The following TRDMT1 variants were observed in gnomAD, a reference collection of about 807,000 sequenced individuals.
TRDMT1 encodes the protein tRNA aspartic acid methyltransferase 1.
A neutral mutation model predicts 51.2 loss-of-function variants in TRDMT1; 49 were observed. The observed-to-expected ratio is 0.96, with a 90% confidence interval of 0.76 to 1.21. The LOEUF is 1.21. TRDMT1 is among the 50% of genes most tolerant of loss of function. The pLI, the probability that TRDMT1 is intolerant of heterozygous loss-of-function variation, is 0.00. For missense variants in TRDMT1, 534 were observed against 462.3 expected (o/e 1.16, Z -1.42); for synonymous variants, 187 against 164.6 (o/e 1.14, Z -1.04).
chr10:17,150,481 C>T, intron 10 of TRDMT1: 12 of 985,318 alleles, frequency 1.2e-5, no homozygotes, highest in East Asian at 2.3e-4. Context: ...CCATGGATCC[C>T]TTATATGCTG....
intron 3 of TRDMT1, among the ~76,000 whole-genome samples, chr10:17,166,675 A>G (rs1841259962): frequency 6.6e-6 from 1 of 152,148 alleles, no homozygotes; most frequent in Admixed American, 6.5e-5. Flanking sequence ...CTTCTCAGAA[A>G]TCTTCAGTTC....
intron 1 of TRDMT1, among the ~76,000 whole-genome samples, chr10:17,194,949 C>CA (rs1157484978): frequency 0.1 from 8,653 of 85,104 alleles, 794 homozygotes; most frequent in East Asian, 0.24. Flanking sequence ...AAAAAAAAGT[C>CA]AAAAAAAAAA....
At chr10:17,181,448 A>C (rs1365454280) in intron 1 of TRDMT1, among the ~76,000 whole-genome samples, 3 of 152,186 alleles carry the variant, frequency 2.0e-5, no homozygotes, top group Admixed American at 6.5e-5. Context: ...GCACCCAGGC[A>C]TTGCAGTAAT....
chr10:17,172,914 C>T (rs1406756418), intron 2 of TRDMT1, among the ~76,000 whole-genome samples: 5 of 151,948 alleles, frequency 3.3e-5, no homozygotes, highest in South Asian at 2.1e-4. Context: ...TATTTGAAGG[C>T]GGGCTTCCAC....
rs1015165557 is a variant in TRDMT1, at chr10:17,145,146, C to G, written c.*3894G>C. On this transcript the variant is annotated 3_prime_UTR_variant, in exon 11 of 11. Coordinates refer to ENST00000377799, the MANE Select transcript of TRDMT1 (RefSeq NM_004412.7). The stretch of plus-strand genomic sequence containing the variant: ...CCTGTAATCCCAGCTACTAGGGAGG[C>G]TGAGGCAGGAAAATCACTTTAACCC... 5 of 608,014 alleles carry G rather than the reference C, an allele frequency of 8.2e-6. No homozygotes were observed. The highest frequency in any genetic ancestry group is 8.0e-5 in the African/African-American group (4 of 49,904). 37.7% of individuals were successfully genotyped at this position (608,014 alleles called of 1,614,324 possible).
At chr10:17,163,803 CAAGACTA>C (rs1236011475) in intron 3 of TRDMT1, among the ~76,000 whole-genome samples, 10 of 152,244 alleles carry the variant, frequency 6.6e-5, no homozygotes, top group African/African-American at 2.4e-4. Flanking sequence ...TACACCCTCC[CAAGACTA>C]AACCAGGAAG....
chr10:17,157,915 G>C lies in TRDMT1; in HGVS notation c.544-131C>G, dbSNP rs546807357. ...GGGTTGCCATTAAAAGATAGAAATTGTGGTTTACTTGTATTTGTACAAGTT... is the reference window on the plus strand; with the variant it reads ...GGGTTGCCATTAAAAGATAGAAATTCTGGTTTACTTGTATTTGTACAAGTT... On this transcript the variant is annotated intron_variant, in intron 7 of 10. Transcript: ENST00000377799. 4.4e-6 allele frequency: 3 copies of C among 680,664 alleles called. No homozygotes were observed. The African/African-American group carries it at 5.4e-5, about 12-fold the overall frequency. 42.2% of individuals were successfully genotyped at this position (680,664 alleles called of 1,614,324 possible). A position where few individuals can be genotyped will look rare whatever the true frequency, so the allele number is the denominator to read the frequency against.
chr10:17,178,329 T>C (rs1178632310), intron 1 of TRDMT1, among the ~76,000 whole-genome samples: 4 of 152,194 alleles, frequency 2.6e-5, no homozygotes, highest in Non-Finnish European at 4.4e-5. Flanking sequence ...TTAAAATTGC[T>C]GCCAAATGTT....
chr10:17,153,195 T>C (rs1002326779), intron 10 of TRDMT1: 6 of 429,818 alleles, frequency 1.4e-5, no homozygotes, highest in Admixed American at 7.8e-5. Flanking sequence ...GAAAAGAAAA[T>C]AAGCTGGAAA....
chr10:17,177,687 T>C (rs1450433090), intron 1 of TRDMT1, among the ~76,000 whole-genome samples: 1 of 147,716 alleles, frequency 6.8e-6, no homozygotes, highest in Non-Finnish European at 1.5e-5. Context: ...TTGCTTTCAA[T>C]ATGCTTCTTA....
intron 6 of TRDMT1, among the ~76,000 whole-genome samples, chr10:17,159,694 T>C (rs570576025): frequency 8.6e-4 from 131 of 152,332 alleles, no homozygotes; most frequent in African/African-American, 2.9e-3. Flanking sequence ...CCACAGCTTG[T>C]ATCTTGAATT....
Position 17,157,757 on chromosome 10 carries a change from A to T in TRDMT1, c.571T>A (p.Ser191Thr). 3.1e-6 allele frequency: 5 copies of T among 1,599,202 alleles called. No individual in the cohort carries two copies. The highest frequency in any genetic ancestry group is 4.3e-6 in the Non-Finnish European group (5 of 1,173,840). The change falls in exon 8 of 11, where the codon TCT (serine) becomes ACT (threonine). Residue 191 changes from serine to threonine, a missense_variant. Physicochemically the swap from Ser to Thr is moderately conservative, Grantham distance 58. Transcript: ENST00000377799. ...QVLMEFPKIESVHPQKYAMDV... is the reference protein window; with the variant it reads ...QVLMEFPKIETVHPQKYAMDV... ...ATTGCATATTTTTGTGGATGTACAG[A>T]TTCAATTTTGGGGAACTCCATCAGT... is the stretch of plus-strand genomic sequence containing the variant.
intron 1 of TRDMT1, among the ~76,000 whole-genome samples, chr10:17,185,309 A>C (rs1843738092): frequency 6.6e-6 from 1 of 152,252 alleles, no homozygotes; most frequent in Non-Finnish European, 1.5e-5. Context: ...GCCAAAAGAC[A>C]CATGAAAAAA....
chr10:17,201,529 C>T lies in TRDMT1; in HGVS notation c.64+42G>A, dbSNP rs1846177695. On this transcript the variant is annotated intron_variant, in intron 1 of 10. Coordinates refer to ENST00000377799, the MANE Select transcript of TRDMT1 (RefSeq NM_004412.7). The stretch of plus-strand genomic sequence containing the variant: ...CCCGGCGCGGGTGCTCCAACCAGCC[C>T]CCGTGAGCGAATAGAGAGAGGGGTG... 7.1e-6 allele frequency: 11 copies of T among 1,538,940 alleles called. No individual in the cohort carries two copies. The East Asian group carries it at 2.8e-4, about 39-fold the overall frequency.
chr10:17,161,402 T>C, intron 5 of TRDMT1, 81 bp downstream of exon 5: 1 of 1,087,724 alleles, frequency 9.2e-7, no homozygotes, highest in Non-Finnish European at 1.2e-6. Context: ...GCACTGGTTT[T>C]TAAGATTTTT....
Position 17,162,257 on chromosome 10 carries a change from A to AC in TRDMT1, c.252-21_252-20insG. 1 of 1,543,114 alleles carries AC rather than the reference A, an allele frequency of 6.5e-7. No individual in the cohort carries two copies. Among genetic ancestry groups the AC allele is most frequent in the Non-Finnish European group, 8.8e-7 (1 of 1,141,126 alleles). On this transcript the variant is annotated intron_variant, in intron 3 of 10. Coordinates refer to ENST00000377799, the MANE Select transcript of TRDMT1 (RefSeq NM_004412.7). Reference sequence around the variant, plus strand: ...CCAATCCTAAAGGGGTAAAAAAAAAAAAAAACAAAAAAAAACACAGAAAGT... The same window carrying AC: ...CCAATCCTAAAGGGGTAAAAAAAAAACAAAAACAAAAAAAAACACAGAAAGT...
chr10:17,139,251 A>G lies in TRDMT1; in HGVS notation c.*9789T>C. The G allele has an allele frequency of 9.2e-6, 9 of 981,544 alleles. No homozygotes were observed. Among genetic ancestry groups the G allele is most frequent in the Non-Finnish European group, 9.7e-6 (8 of 826,364 alleles). The allele number at this position is 981,544 out of a possible 1,614,324, so 60.8% of individuals were successfully genotyped here. A position where few individuals can be genotyped will look rare whatever the true frequency, so the allele number is the denominator to read the frequency against. ...TACTTGGTGACCCCTAAAATTCCCC[A>G]AACAAGGCGGTGAAGTTAAATATTT... On this transcript the variant is annotated 3_prime_UTR_variant, in exon 11 of 11. Coordinates refer to ENST00000377799, the MANE Select transcript of TRDMT1 (RefSeq NM_004412.7).
intron 2 of TRDMT1, chr10:17,171,453 C>T (rs1328943789): frequency 1.3e-5 from 2 of 152,172 alleles, no homozygotes; most frequent in Admixed American, 6.5e-5. Context: ...TAAATGGAAC[C>T]GAGAGAGTGG....
At position 17,148,536 on chromosome 10, in the gene TRDMT1, A is replaced by G. The variant is rs1838311354; in HGVS notation, c.*504T>C. Reference sequence around the variant, plus strand: ...AGTCTGCTGTATAAACTGAATGATGATAATTTGGTTTACATATCATATGCA... The same window carrying G: ...AGTCTGCTGTATAAACTGAATGATGGTAATTTGGTTTACATATCATATGCA... On this transcript the variant is annotated 3_prime_UTR_variant, in exon 11 of 11. Transcript: ENST00000377799. 2 of 985,156 alleles carry G rather than the reference A, an allele frequency of 2.0e-6. No homozygotes were observed. The highest frequency in any genetic ancestry group is 2.4e-6 in the Non-Finnish European group (2 of 829,672). 61.0% of individuals were successfully genotyped at this position (985,156 alleles called of 1,614,324 possible).
Sources: allele counts gnomAD v4.1 joint callset (sites outside exome capture counted in the v4.1 genomes callset), GRCh38; gene constraint gnomAD v4.1.1; transcripts MANE v1.5; gene names NCBI Gene and HGNC (gene_info 2026-07-23, HGNC 2026-07-21).